Variants in RIMS1 observed in about 807,000 individuals in gnomAD.
The protein encoded by RIMS1 is regulating synaptic membrane exocytosis 1.
RIMS1 carries 83 observed loss-of-function variants against 214.1 expected under a neutral mutation model. The observed-to-expected ratio is 0.39, with a 90% CI of 0.32 to 0.47. The LOEUF is 0.47. Among genes scored for constraint, RIMS1 ranks in the 20% least tolerant of loss-of-function variants. The probability of loss-of-function intolerance (pLI) is 0.99; values close to 1 mark genes in which losing one functional copy is unlikely to be tolerated. For synonymous variants in RIMS1, 793 were observed against 786.8 expected (o/e 1.01, Z -0.13); for missense variants, 2,050 against 2,161.8 (o/e 0.95, Z 1.03).
intron 33 of RIMS1, among the ~76,000 whole-genome samples, chr6:72,400,148 C>T (rs1181162694): frequency 1.3e-5 from 2 of 152,088 alleles, no homozygotes; most frequent in South Asian, 4.1e-4. Context: ...TTTTTATGGT[C>T]CTGTACATCG....
chr6:72,217,080 T>A lies in RIMS1; in HGVS notation c.1679-16693T>A, dbSNP rs1473225868. The stretch of plus-strand genomic sequence containing the variant: ...CCACAGGGAATTTTATTTAAAATGT[T>A]GTATTTTGGTGGATTTTTTAATTGT... On this transcript the variant is annotated intron_variant, in intron 6 of 33. Transcript: ENST00000521978. 17 of 1,502,070 alleles carry A rather than the reference T, an allele frequency of 1.1e-5. No homozygotes were observed. In the Admixed American group the frequency reaches 3.8e-4, roughly 34 times the overall value. 93.0% of individuals were successfully genotyped at this position (1,502,070 alleles called of 1,614,324 possible). A position where few individuals can be genotyped will look rare whatever the true frequency, so the allele number is the denominator to read the frequency against.
chr6:72,106,612 G>A (rs2034792685), intron 4 of RIMS1, among the ~76,000 whole-genome samples: 1 of 152,174 alleles, frequency 6.6e-6, no homozygotes, highest in Non-Finnish European at 1.5e-5. Flanking sequence ...CAGATCGGTA[G>A]TTGGGATTTT....
At chr6:72,069,008 C>G (rs1447330587) in intron 2 of RIMS1, among the ~76,000 whole-genome samples, 1 of 95,292 alleles carries the variant, frequency 1.0e-5, no homozygotes, top group Non-Finnish European at 2.7e-5. Context: ...CCAGAAATAA[C>G]AAACTGAGGG....
At chr6:71,925,401 C>A (rs1456069721) in intron 1 of RIMS1, among the ~76,000 whole-genome samples, 1 of 152,120 alleles carries the variant, frequency 6.6e-6, no homozygotes, top group East Asian at 1.9e-4. Flanking sequence ...AGGAAATGGT[C>A]AGGCATACGT....
intron 29 of RIMS1, among the ~76,000 whole-genome samples, chr6:72,383,039 T>C (rs1316250239): frequency 6.6e-6 from 1 of 152,210 alleles, no homozygotes; most frequent in East Asian, 1.9e-4. Flanking sequence ...CTTGAGGAAC[T>C]GAAACAAAGA....
intron 28 of RIMS1, chr6:72,316,962 T>C: frequency 1.6e-6 from 1 of 620,642 alleles, no homozygotes; most frequent in South Asian, 1.5e-5. Context: ...CCCTAGGCTC[T>C]GTGGAGAGGG....
At chr6:72,262,873 A>C in intron 19 of RIMS1, 1 of 566,952 alleles carries the variant, frequency 1.8e-6, no homozygotes, top group Non-Finnish European at 2.2e-6. Flanking sequence ...TCTAGTAAAC[A>C]TAAGGAAAAT....
chr6:72,140,522 A>C (rs2041957938), intron 4 of RIMS1, among the ~76,000 whole-genome samples: 1 of 152,078 alleles, frequency 6.6e-6, no homozygotes, highest in Non-Finnish European at 1.5e-5. Flanking sequence ...ATAATGGTTA[A>C]ATATTTCCAC....
chr6:71,887,412 G>A (rs1196878513), intron 1 of RIMS1, among the ~76,000 whole-genome samples: 3 of 152,148 alleles, frequency 2.0e-5, no homozygotes, highest in African/African-American at 4.8e-5. Flanking sequence ...CCCAAAGGCC[G>A]GGGGAGGATG....
At chr6:72,273,315 T>C (rs576130274) in intron 22 of RIMS1, among the ~76,000 whole-genome samples, 22 of 152,302 alleles carry the variant, frequency 1.4e-4, no homozygotes, top group Middle Eastern at 3.4e-3. Flanking sequence ...TGGATAATTA[T>C]AAAATCTTAT....
At chr6:72,013,316 G>T (rs1422763706) in intron 2 of RIMS1, among the ~76,000 whole-genome samples, 1 of 152,036 alleles carries the variant, frequency 6.6e-6, no homozygotes, top group Non-Finnish European at 1.5e-5. Context: ...ATAAGTACAG[G>T]ATTTATAATT....
At chr6:72,304,003 A>T (rs2094900983) in intron 26 of RIMS1, among the ~76,000 whole-genome samples, 1 of 151,648 alleles carries the variant, frequency 6.6e-6, no homozygotes, top group Non-Finnish European at 1.5e-5. Flanking sequence ...ACATAAGCTA[A>T]ATTTTCATTA....
chr6:72,070,486 G>T (rs897077146), intron 2 of RIMS1, among the ~76,000 whole-genome samples: 1 of 152,074 alleles, frequency 6.6e-6, no homozygotes, highest in African/African-American at 2.4e-5. Flanking sequence ...TGTTGCCTGT[G>T]TTGCTCACCA....
chr6:72,242,457 C>T lies in RIMS1; in HGVS notation c.2081+20C>T. 1 of 1,508,168 alleles carries T rather than the reference C, an allele frequency of 6.6e-7. No homozygotes were observed. Among genetic ancestry groups the T allele is most frequent in the Non-Finnish European group, 8.9e-7 (1 of 1,119,392 alleles). The allele number at this position is 1,508,168 out of a possible 1,614,324, so 93.4% of individuals were successfully genotyped here. A position where few individuals can be genotyped will look rare whatever the true frequency, so the allele number is the denominator to read the frequency against. ...TATTGGGTAAGGCTAAAAAAACTTA[C>T]TTCTTAAGTTTAGTAAATTACATGT... is the stretch of plus-strand genomic sequence containing the variant. On this transcript the variant is annotated intron_variant, in intron 10 of 33. Coordinates refer to ENST00000521978, the MANE Select transcript of RIMS1 (RefSeq NM_014989.7).
intron 24 of RIMS1, among the ~76,000 whole-genome samples, chr6:72,286,748 G>A (rs1206403441): frequency 6.6e-6 from 1 of 152,102 alleles, no homozygotes; most frequent in Non-Finnish European, 1.5e-5. Flanking sequence ...TAAATGCTTT[G>A]GACACTGACT....
At chr6:71,944,799 T>C (rs1787279339) in intron 1 of RIMS1, among the ~76,000 whole-genome samples, 1 of 152,238 alleles carries the variant, frequency 6.6e-6, no homozygotes, top group South Asian at 2.1e-4. Context: ...ATGTATGCAC[T>C]GGCATTCAGA....
At chr6:72,109,345 C>G (rs1407210419) in intron 4 of RIMS1, among the ~76,000 whole-genome samples, 3 of 150,532 alleles carry the variant, frequency 2.0e-5, no homozygotes, top group African/African-American at 7.3e-5. Context: ...TATTTCTCCA[C>G]CTCCTCTCCA....
chr6:71,888,025 T>C (rs748440832), intron 1 of RIMS1, among the ~76,000 whole-genome samples: 1 of 152,162 alleles, frequency 6.6e-6, no homozygotes, highest in Admixed American at 6.5e-5. Context: ...CTCACTTCTT[T>C]AGAGCGCATC....
intron 4 of RIMS1, among the ~76,000 whole-genome samples, chr6:72,132,376 G>C (rs1254512529): frequency 6.6e-6 from 1 of 152,170 alleles, no homozygotes; most frequent in East Asian, 1.9e-4. Flanking sequence ...CAGTCCCTCT[G>C]TTTGGGGTCC....
Sources: allele counts gnomAD v4.1 joint callset (sites outside exome capture counted in the v4.1 genomes callset), GRCh38; gene constraint gnomAD v4.1.1; transcripts MANE v1.5; gene names NCBI Gene and HGNC (gene_info 2026-07-23, HGNC 2026-07-21).